The following WDR88 variants were observed in gnomAD, a reference collection of about 807,000 sequenced individuals.
The protein encoded by WDR88 is WD repeat-containing protein 88.
WDR88 carries 40 observed loss-of-function variants against 46.8 expected under a neutral mutation model. The ratio of observed to expected loss-of-function variants is 0.86; its 90% CI spans 0.66 to 1.11. The LOEUF (loss-of-function observed/expected upper bound fraction) is 1.11. WDR88 is among the 50% of genes most tolerant of loss of function. The probability of loss-of-function intolerance (pLI) is 0.00; values close to 1 mark genes in which losing one functional copy is unlikely to be tolerated. For missense variants in WDR88, 562 were observed against 602.4 expected (o/e 0.93, Z 0.70); for synonymous variants, 235 against 240.7 (o/e 0.98, Z 0.22).
At position 33,151,167 on chromosome 19, in the gene WDR88, T is replaced by C. The variant is rs761597732; in HGVS notation, c.680-14T>C. On this transcript the variant is annotated splice_polypyrimidine_tract_variant and intron_variant, in intron 5 of 10. Transcript: ENST00000355868. ...AAGGCGTGGTCTCAAGTCCCTTTCC[T>C]CCGTGTTCTGCAGATCATCACACAA... is the stretch of plus-strand genomic sequence containing the variant. 1.1e-5 allele frequency: 17 copies of C among 1,611,428 alleles called. No individual in the cohort carries two copies. The Admixed American group carries it at 2.8e-4, about 27-fold the overall frequency.
intron 1 of WDR88, among the ~76,000 whole-genome samples, chr19:33,134,847 C>A (rs1020397214): frequency 1.0e-4 from 14 of 137,056 alleles, no homozygotes; most frequent in South Asian, 2.6e-4. Flanking sequence ...GACACCCCCC[C>A]CCCCGCCCCG....
At chr19:33,172,759 A>C (rs977494870) in intron 10 of WDR88, among the ~76,000 whole-genome samples, 2 of 152,116 alleles carry the variant, frequency 1.3e-5, no homozygotes, top group African/African-American at 4.8e-5. Context: ...TGTCGACTTG[A>C]AGGTGGTGAG....
chr19:33,152,472 TGCCTATTCTAGA>T (rs1973654805), intron 6 of WDR88, among the ~76,000 whole-genome samples: 1 of 152,164 alleles, frequency 6.6e-6, no homozygotes, highest in African/African-American at 2.4e-5. Context: ...TCTATGAATC[TGCCTATTCTAGA>T]TATTTCATAT....
intron 8 of WDR88, 151 bp downstream of exon 8, chr19:33,160,647 C>T: frequency 1.3e-6 from 1 of 797,742 alleles, no homozygotes; most frequent in East Asian, 2.5e-5. Flanking sequence ...CCAGCAAACA[C>T]ACCACCGACT....
In WDR88 at chr19:33,151,181, A is replaced by T. The variant is rs1318593010; in HGVS notation, c.680A>T (p.Asp227Val). The change falls in exon 6 of 11, where the codon GAT becomes GTT. Residue 227 changes from aspartate to valine, a missense_variant and splice_region_variant. Asp to Val is a radical substitution (Grantham distance 152). Transcript: ENST00000355868. The stretch of plus-strand genomic sequence containing the variant: ...AGTCCCTTTCCTCCGTGTTCTGCAG[A>T]TCATCACACAAGGTCCATCACGTCA... ...ENITTVSVIKDHHTRSITSCC... is the reference protein window; with the variant it reads ...ENITTVSVIKVHHTRSITSCC... The T allele has an allele frequency of 2.5e-6, 4 of 1,613,332 alleles. No individual in the cohort carries two copies. In the Admixed American group the frequency reaches 6.7e-5, roughly 27 times the overall value.
intron 9 of WDR88, among the ~76,000 whole-genome samples, chr19:33,166,282 C>CAA (rs34053341): frequency 1.8e-3 from 99 of 55,090 alleles, no homozygotes; most frequent in Admixed American, 3.0e-3. Context: ...GTTGTGGTCT[C>CAA]AAAAAAAAAA....
chr19:33,151,297 C>A lies in WDR88; in HGVS notation c.796C>A (p.Leu266Ile). Residue 266 changes from leucine to isoleucine, a missense_variant, in exon 6 of 11, where the codon CTC (leucine) becomes ATC (isoleucine). Physicochemically the swap from Leu to Ile is conservative, Grantham distance 5. Coordinates refer to ENST00000355868, the MANE Select transcript of WDR88 (RefSeq NM_173479.4). ...GGATGTTACATCCCAGGCCACGCTGCTCACCATCACTAAGTGAGTTGGACC... is the reference window on the plus strand; with the variant it reads ...GGATGTTACATCCCAGGCCACGCTGATCACCATCACTAAGTGAGTTGGACC... ...IWDVTSQATL[L>I]TITKAHSNAI... 1 of 1,613,138 alleles carries A rather than the reference C, an allele frequency of 6.2e-7. No homozygotes were observed. Among genetic ancestry groups the A allele is most frequent in the Non-Finnish European group, 8.5e-7 (1 of 1,179,690 alleles).
At chr19:33,155,897 C>A (rs1973725346) in intron 6 of WDR88, among the ~76,000 whole-genome samples, 1 of 152,150 alleles carries the variant, frequency 6.6e-6, no homozygotes, top group Admixed American at 6.6e-5. Flanking sequence ...CAGGACGGCC[C>A]CCACAACTCT....
chr19:33,173,619 C>G (rs1713341954), intron 10 of WDR88, among the ~76,000 whole-genome samples: 1 of 152,232 alleles, frequency 6.6e-6, no homozygotes, highest in Admixed American at 6.5e-5. Flanking sequence ...AATTTGGGAG[C>G]CGCACTGCAA....
chr19:33,132,942 T>C (rs1035075761), intron 1 of WDR88, among the ~76,000 whole-genome samples: 2 of 152,124 alleles, frequency 1.3e-5, no homozygotes, highest in Non-Finnish European at 2.9e-5. Context: ...GGAGGATCAC[T>C]TGAGCCCAGG....
chr19:33,170,141 T>C (rs1305125120), intron 9 of WDR88, among the ~76,000 whole-genome samples: 1 of 152,086 alleles, frequency 6.6e-6, no homozygotes, highest in Non-Finnish European at 1.5e-5. Flanking sequence ...CCTCCCAAAG[T>C]GCTGGGATTA....
chr19:33,166,077 T>C (rs1265919619), intron 9 of WDR88, among the ~76,000 whole-genome samples: 1 of 151,358 alleles, frequency 6.6e-6, no homozygotes, highest in Non-Finnish European at 1.5e-5. Flanking sequence ...CTTGGCAACA[T>C]AGTGAGACGC....
At chr19:33,160,607 T>C (rs1285744390) in intron 8 of WDR88, 111 bp downstream of exon 8, 1 of 1,129,386 alleles carries the variant, frequency 8.9e-7, no homozygotes, top group African/African-American at 1.6e-5. Context: ...CCTTGATGCC[T>C]CTGTGGGCTG....
At position 33,144,861 on chromosome 19, in the gene WDR88, T is replaced by C. The variant is rs780604616; in HGVS notation, c.405T>C (p.Ser135=). Residue 135 remains serine (S), a synonymous_variant, in exon 3 of 11, where the codon TCT becomes TCC. Transcript: ENST00000355868. The stretch of plus-strand genomic sequence containing the variant: ...GATTTGAGGATCCGGTGGACGGTTC[T>C]GTGGTTCGCGATTTTGAGCACAGGC... ...TVKLWDPVDG[S]VVRDFEHRPK... The C allele has an allele frequency of 6.2e-7, 1 of 1,613,744 alleles. No individual in the cohort carries two copies. The highest frequency in any genetic ancestry group is 2.2e-5 in the East Asian group (1 of 44,868).
In WDR88 at chr19:33,162,195, GTTTTT is replaced by G. The variant is rs569887293; in HGVS notation, c.1080+1703_1080+1707del. 4.1e-3 allele frequency among the ~76,000 whole-genome samples: 619 copies of G among 151,672 alleles called. 2 individuals are homozygous for G. The highest frequency in any genetic ancestry group is 0.014 in the African/African-American group (585 of 41,394). On this transcript the variant is annotated intron_variant, in intron 8 of 10. Transcript: ENST00000355868. ...CAATGGCAGCTATCTGCTCTGAGCT[GTTTTT>G]TTTGTTTGTTTTTTTTTGAGACGGG...
intron 1 of WDR88, among the ~76,000 whole-genome samples, chr19:33,136,087 C>T (rs1973259981): frequency 6.7e-6 from 1 of 148,778 alleles, no homozygotes; most frequent in Admixed American, 6.7e-5. Context: ...TGGAGTTTTG[C>T]TCTTGTTGCC....
chr19:33,134,733 C>T (rs1392404385), intron 1 of WDR88, among the ~76,000 whole-genome samples: 1 of 152,046 alleles, frequency 6.6e-6, no homozygotes, highest in Non-Finnish European at 1.5e-5. Flanking sequence ...CCCAGCTCTC[C>T]ACGCTCCCTG....
intron 10 of WDR88, among the ~76,000 whole-genome samples, chr19:33,173,402 C>T (rs1722000870): frequency 6.6e-6 from 1 of 152,254 alleles, no homozygotes; most frequent in Admixed American, 6.5e-5. Context: ...TTTTCTGCTT[C>T]ACCAGGCACA....
At position 33,148,916 on chromosome 19, in the gene WDR88, G is replaced by C. The variant is rs1973574960; in HGVS notation, c.679+6G>C. On this transcript the variant is annotated splice_donor_region_variant and intron_variant, in intron 5 of 10. Coordinates refer to ENST00000355868, the MANE Select transcript of WDR88 (RefSeq NM_173479.4). The stretch of plus-strand genomic sequence containing the variant: ...CACCGTTTCCGTCATCAAAGGTGAG[G>C]GTGTGCGGGCTCCCTGTATCTTCAG... 6.2e-7 allele frequency: 1 copy of C among 1,613,920 alleles called. No homozygotes were observed. Among genetic ancestry groups the C allele is most frequent in the Non-Finnish European group, 8.5e-7 (1 of 1,179,990 alleles).
Sources: allele counts gnomAD v4.1 joint callset (sites outside exome capture counted in the v4.1 genomes callset), GRCh38; gene constraint gnomAD v4.1.1; transcripts MANE v1.5; gene names NCBI Gene and HGNC (gene_info 2026-07-23, HGNC 2026-07-21).